Variants in APC observed in about 807,000 individuals in gnomAD.
APC encodes APC regulator of Wnt signaling pathway.
Under a neutral mutation model 247.0 loss-of-function variants are expected in APC, and 72 were observed. The observed-to-expected ratio is 0.29, with a 90% CI of 0.24 to 0.35. The LOEUF (loss-of-function observed/expected upper bound fraction) is 0.35, where lower values mean the gene tolerates loss of function less well. APC is among the 10% of genes least tolerant of loss of function. APC has a pLI of 1.00. For synonymous variants in APC, 1,254 were observed against 1,162.5 expected, an observed-to-expected ratio of 1.08 and a Z score of -1.60; for missense variants, 3,400 against 3,360.7, an observed-to-expected ratio of 1.01 and a Z score of -0.29.
intron 4 of APC, among the ~76,000 whole-genome samples, chr5:112,770,988 T>C (rs375327800): frequency 2.2e-4 from 34 of 152,276 alleles, no homozygotes; most frequent in African/African-American, 6.7e-4. Flanking sequence ...CTGTTAACAG[T>C]TACATCATAC....
In APC at chr5:112,837,415, A is replaced by G. The variant is rs76565799; in HGVS notation, c.1959-138A>G. ...ATTAAACATTACATGAAATTAGAAC[A>G]AAAGGAGATGTGGAATACTTGGAAT... On this transcript the variant is annotated intron_variant, in intron 15 of 15. Transcript: ENST00000257430. 3.7e-6 allele frequency: 2 copies of G among 536,892 alleles called. No homozygotes were observed. Among genetic ancestry groups the G allele is most frequent in the Non-Finnish European group, 6.4e-6 (2 of 313,640 alleles). 33.3% of individuals were successfully genotyped at this position (536,892 alleles called of 1,614,324 possible).
chr5:112,793,987 G>A (rs1759926217), intron 7 of APC, among the ~76,000 whole-genome samples: 1 of 151,708 alleles, frequency 6.6e-6, no homozygotes, highest in Non-Finnish European at 1.5e-5. Context: ...CTGGGAAGTA[G>A]GGTAGGCATT....
intron 1 of APC, among the ~76,000 whole-genome samples, chr5:112,753,078 G>A (rs1264673678): frequency 2.0e-5 from 3 of 151,548 alleles, no homozygotes; most frequent in South Asian, 2.1e-4. Context: ...TTATTATTTT[G>A]ATGTAAAATT....
intron 10 of APC, 99 bp from the exon 11 acceptor site, chr5:112,821,797 G>A: frequency 2.2e-6 from 2 of 909,248 alleles, no homozygotes; most frequent in South Asian, 2.8e-5. Context: ...CCGTGAATTA[G>A]GGTTATATTA....
chr5:112,713,966 A>G (rs950361769), intron 1 of APC, among the ~76,000 whole-genome samples: 1 of 152,224 alleles, frequency 6.6e-6, no homozygotes, highest in Non-Finnish European at 1.5e-5. Flanking sequence ...CCTATACGTA[A>G]GATTTTGACT....
chr5:112,813,593 G>T (rs750942007), intron 8 of APC, among the ~76,000 whole-genome samples: 1 of 151,944 alleles, frequency 6.6e-6, no homozygotes, highest in African/African-American at 2.4e-5. Flanking sequence ...AACAGTTTAC[G>T]TTGCTAGCTA....
intron 1 of APC, among the ~76,000 whole-genome samples, chr5:112,725,047 A>G (rs919592347): frequency 6.6e-6 from 1 of 152,104 alleles, no homozygotes; most frequent in African/African-American, 2.4e-5. Flanking sequence ...GCAGTGGCAC[A>G]GTCTTGGCTC....
intron 2 of APC, among the ~76,000 whole-genome samples, chr5:112,763,602 G>T (rs953266655): frequency 1.3e-5 from 2 of 151,998 alleles, no homozygotes; most frequent in African/African-American, 4.8e-5. Context: ...TATGTCCAAT[G>T]ATGTACGAAG....
At chr5:112,766,144 T>C (rs1477905478) in intron 2 of APC, among the ~76,000 whole-genome samples, 182 bp from the exon 3 acceptor site, 1 of 152,144 alleles carries the variant, frequency 6.6e-6, no homozygotes, top group Admixed American at 6.5e-5. Flanking sequence ...TCTCAAAATA[T>C]CACTATTATT....
At chr5:112,707,844 G>T (rs1171615515) in exon 1 of APC, 1 of 1,370,472 alleles carries the variant, frequency 7.3e-7, no homozygotes, top group South Asian at 1.2e-5. Flanking sequence ...GAGCCCGGGC[G>T]GCGCTCGTAC....
chr5:112,763,221 CAAA>C (rs200000852), intron 2 of APC, among the ~76,000 whole-genome samples: 4 of 151,130 alleles, frequency 2.6e-5, no homozygotes, highest in Admixed American at 6.6e-5. Flanking sequence ...GAAGTGTGGA[CAAA>C]AAAAATCAAA....
chr5:112,767,308 C>A lies in APC; in HGVS notation c.340C>A (p.Pro114Thr), dbSNP rs1580329044. Residue 114 changes from proline (P) to threonine (T), a missense_variant, in exon 4 of 16, where the codon CCT becomes ACT. This residue lies in a region of APC where 372 missense variants were observed against 367.6 expected (regional missense o/e 1.01). Transcript: ENST00000257430. ...SSRSGECSPV[P>T]MGSFPRRGFV... ...CCGTTCTGGAGAGTGCAGTCCTGTT[C>A]CTATGGGTTCATTTCCAAGAAGAGG... is the stretch of plus-strand genomic sequence containing the variant. The A allele has an allele frequency of 6.2e-7, 1 of 1,613,914 alleles. No individual in the cohort carries two copies. Among genetic ancestry groups the A allele is most frequent in the South Asian group, 1.1e-5 (1 of 91,068 alleles).
rs2149781928 is a variant in APC at position 112,819,196 on chromosome 5, C to G, written c.1164C>G (p.His388Gln). Residue 388 changes from histidine to glutamine, a missense_variant, in exon 10 of 16, where the codon CAC becomes CAG. His to Gln is a conservative substitution (Grantham distance 24). Coordinates refer to ENST00000257430, the MANE Select transcript of APC (RefSeq NM_000038.6). ...GGGCCAGGGCCAGTGCAGCACTCCACAACATCATTCACTCACAGCCTGATG... is the reference window on the plus strand; with the variant it reads ...GGGCCAGGGCCAGTGCAGCACTCCAGAACATCATTCACTCACAGCCTGATG... ...EARARASAAL[H>Q]NIIHSQPDDK... 6.2e-7 allele frequency: 1 copy of G among 1,614,010 alleles called. No individual in the cohort carries two copies. Among genetic ancestry groups the G allele is most frequent in the Non-Finnish European group, 8.5e-7 (1 of 1,179,980 alleles).
intron 9 of APC, 118 bp from the exon 10 acceptor site, chr5:112,818,848 G>GT (rs1762786492): frequency 3.3e-6 from 3 of 898,550 alleles, no homozygotes; most frequent in Non-Finnish European, 4.8e-6. Flanking sequence ...TTTTTTTGGC[G>GT]GGGGGGGTTG....
intron 6 of APC, among the ~76,000 whole-genome samples, chr5:112,782,542 T>C (rs958737626): frequency 6.6e-6 from 1 of 152,204 alleles, no homozygotes; most frequent in Non-Finnish European, 1.5e-5. Context: ...AACTAGTGTT[T>C]GTGTGCATGT....
rs1175122966 is a variant in APC, at chr5:112,792,227, CAG to C, written c.646-216_646-215del. Among the ~76,000 whole-genome samples the C allele has an allele frequency of 2.0e-5, 3 of 150,904 alleles. 1 individual carries two copies. Among genetic ancestry groups the C allele is most frequent in the Non-Finnish European group, 4.4e-5 (3 of 67,846 alleles). On this transcript the variant is annotated intron_variant, in intron 6 of 15. Transcript: ENST00000257430. ...TGCCACTGCACTCCAGCCAGGGCAACAGAGCGAGACTCTGTCTCGAAAAAAAA... is the reference window on the plus strand; with the variant it reads ...TGCCACTGCACTCCAGCCAGGGCAACAGCGAGACTCTGTCTCGAAAAAAAA...
intron 9 of APC, among the ~76,000 whole-genome samples, chr5:112,817,883 A>G (rs1242049869): frequency 6.6e-6 from 1 of 152,168 alleles, no homozygotes; most frequent in Non-Finnish European, 1.5e-5. Flanking sequence ...ATTTGAACCT[A>G]GCTCCGATGA....
At chr5:112,746,596 A>T (rs1753709353) in intron 1 of APC, among the ~76,000 whole-genome samples, 1 of 152,200 alleles carries the variant, frequency 6.6e-6, no homozygotes, top group African/African-American at 2.4e-5. Flanking sequence ...ATTAAAAGAG[A>T]AACGATATGA....
chr5:112,724,197 A>G (rs1751641133), intron 1 of APC, among the ~76,000 whole-genome samples: 1 of 152,118 alleles, frequency 6.6e-6, no homozygotes, highest in Non-Finnish European at 1.5e-5. Flanking sequence ...CTCTTCATCC[A>G]CTCAACAAAT....
Sources: allele counts gnomAD v4.1 joint callset (sites outside exome capture counted in the v4.1 genomes callset), GRCh38; gene constraint gnomAD v4.1.1; regional missense constraint gnomAD v4.1.1; transcripts MANE v1.5; gene names NCBI Gene and HGNC (gene_info 2026-07-23, HGNC 2026-07-21).